PTPN14: variants seen among roughly 807,000 people sequenced by gnomAD.
PTPN14 encodes protein tyrosine phosphatase non-receptor type 14, also known as tyrosine-protein phosphatase non-receptor type 14.
Under a neutral mutation model 126.8 loss-of-function variants are expected in PTPN14, and 53 were observed. The ratio of observed to expected loss-of-function variants is 0.42; its 90% CI spans 0.34 to 0.53. The LOEUF (loss-of-function observed/expected upper bound fraction) is 0.53, where lower values mean the gene tolerates loss of function less well. PTPN14 is among the 20% of genes least tolerant of loss of function. The pLI is 0.08. For synonymous variants in PTPN14, 630 were observed against 599.3 expected, an observed-to-expected ratio of 1.05 and a Z score of -0.75; for missense variants, 1,257 against 1,552.9, an observed-to-expected ratio of 0.81 and a Z score of 3.20.
In PTPN14 at chr1:214,351,275, C is replaced by A. The variant is rs1657702637; in HGVS notation, c.*6647G>T. On this transcript the variant is annotated 3_prime_UTR_variant, in exon 19 of 19. Coordinates refer to ENST00000366956, the MANE Select transcript of PTPN14 (RefSeq NM_005401.5). ...TCCAGCCTGCGCAACAGGAGTGAGA[C>A]ACGATCTCAAAAACTAAAAAAAAAA... 1.5e-5 allele frequency: 2 copies of A among 130,086 alleles called. No homozygotes were observed. Among genetic ancestry groups the A allele is most frequent in the African/African-American group, 5.8e-5 (2 of 34,686 alleles). The allele number at this position is 130,086 out of a possible 1,614,324, so 8.1% of individuals were successfully genotyped here. A position where few individuals can be genotyped will look rare whatever the true frequency, so the allele number is the denominator to read the frequency against.
intron 1 of PTPN14, among the ~76,000 whole-genome samples, chr1:214,487,494 C>T (rs1661140791): frequency 6.6e-6 from 1 of 152,086 alleles, no homozygotes; most frequent in Non-Finnish European, 1.5e-5. Context: ...GGCATAGTGG[C>T]ATGTGCCTGT....
At chr1:214,499,007 G>A (rs1654614166) in intron 1 of PTPN14, among the ~76,000 whole-genome samples, 1 of 152,000 alleles carries the variant, frequency 6.6e-6, no homozygotes, top group African/African-American at 2.4e-5. Context: ...GTCTCACTAT[G>A]TTGTCCAGGC....
intron 7 of PTPN14, among the ~76,000 whole-genome samples, chr1:214,398,477 C>T (rs1460071326): frequency 6.6e-6 from 1 of 152,112 alleles, no homozygotes; most frequent in African/African-American, 2.4e-5. Context: ...GAAACAAGGT[C>T]TCACTGTTGC....
intron 3 of PTPN14, among the ~76,000 whole-genome samples, chr1:214,449,288 G>A (rs184265378): frequency 6.6e-6 from 1 of 152,142 alleles, no homozygotes; most frequent in African/African-American, 2.4e-5. Context: ...TTACAGGCGT[G>A]AGCCACCGCG....
chr1:214,410,245 T>C (rs2102578543), intron 5 of PTPN14, among the ~76,000 whole-genome samples: 1 of 152,222 alleles, frequency 6.6e-6, no homozygotes, highest in South Asian at 2.1e-4. Flanking sequence ...TTTTCCCCCA[T>C]GTTTTCTTCT....
At chr1:214,438,512 ATCT>A (rs1659969414) in intron 3 of PTPN14, among the ~76,000 whole-genome samples, 1 of 152,240 alleles carries the variant, frequency 6.6e-6, no homozygotes, top group African/African-American at 2.4e-5. Context: ...ATTTGAAGTT[ATCT>A]TCAATAATAT....
At chr1:214,370,788 G>A (rs1235501676) in intron 16 of PTPN14, among the ~76,000 whole-genome samples, 1 of 151,500 alleles carries the variant, frequency 6.6e-6, no homozygotes, top group African/African-American at 2.4e-5. Context: ...GGAGATTCAG[G>A]GCAAGGAGTA....
At chr1:214,460,272 T>G (rs1020810336) in intron 2 of PTPN14, among the ~76,000 whole-genome samples, 1 of 152,138 alleles carries the variant, frequency 6.6e-6, no homozygotes, top group African/African-American at 2.4e-5. Flanking sequence ...GTAACTTATT[T>G]TAGAAATACT....
At chr1:214,517,765 C>T (rs1042054281) in intron 1 of PTPN14, among the ~76,000 whole-genome samples, 1 of 151,830 alleles carries the variant, frequency 6.6e-6, no homozygotes, top group African/African-American at 2.4e-5. Flanking sequence ...GCCAACATAG[C>T]GAAACTGTGT....
At chr1:214,452,317 T>C (rs1044967717) in intron 2 of PTPN14, among the ~76,000 whole-genome samples, 1 of 152,264 alleles carries the variant, frequency 6.6e-6, no homozygotes, top group Non-Finnish European at 1.5e-5. Flanking sequence ...GCCTTCTGCA[T>C]GCTTCATGAT....
intron 1 of PTPN14, among the ~76,000 whole-genome samples, chr1:214,487,437 C>A (rs1661139308): frequency 6.6e-6 from 1 of 152,090 alleles, no homozygotes; most frequent in Non-Finnish European, 1.5e-5. Context: ...ACCAGCCTGG[C>A]CAACACGGTG....
intron 3 of PTPN14, among the ~76,000 whole-genome samples, chr1:214,425,682 CAT>C (rs1659646010): frequency 6.6e-6 from 1 of 152,162 alleles, no homozygotes; most frequent in Admixed American, 6.5e-5. Context: ...AAACACACCA[CAT>C]GTCTATCAAA....
rs1413911688 is a variant in PTPN14 at position 214,551,540 on chromosome 1, C to G, written c.-512G>C. On this transcript the variant is annotated 5_prime_UTR_variant, in exon 1 of 19. Transcript: ENST00000366956. The stretch of plus-strand genomic sequence containing the variant: ...GAGCAGGCGGCTGAGCCCGGAGAAG[C>G]ACAGCAACCTGCCCCCGAGTCTGCG... The G allele has an allele frequency of 2.0e-5, 3 of 152,276 alleles. No homozygotes were observed. The highest frequency in any genetic ancestry group is 7.2e-5 in the African/African-American group (3 of 41,430). The allele number at this position is 152,276 out of a possible 1,614,324, so 9.4% of individuals were successfully genotyped here. A position where few individuals can be genotyped will look rare whatever the true frequency, so the allele number is the denominator to read the frequency against.
At chr1:214,406,428 C>G (rs1421075076) in intron 5 of PTPN14, among the ~76,000 whole-genome samples, 1 of 150,534 alleles carries the variant, frequency 6.6e-6, no homozygotes, top group Non-Finnish European at 1.5e-5. Context: ...TTGCAGTGAG[C>G]TGAGATTGCG....
intron 1 of PTPN14, among the ~76,000 whole-genome samples, chr1:214,466,177 G>T (rs1469030770): frequency 6.6e-6 from 1 of 151,258 alleles, no homozygotes; most frequent in Non-Finnish European, 1.5e-5. Flanking sequence ...GGCCAGGCTG[G>T]TCTTGAACTC....
At chr1:214,483,469 G>A (rs1261187958) in intron 1 of PTPN14, 5 of 890,080 alleles carry the variant, frequency 5.6e-6, no homozygotes, top group South Asian at 1.5e-5. Context: ...TCTTGCCTGC[G>A]ACCCTTCCCC....
intron 5 of PTPN14, among the ~76,000 whole-genome samples, chr1:214,409,970 A>G (rs1337334386): frequency 2.0e-5 from 3 of 152,156 alleles, no homozygotes; most frequent in African/African-American, 7.2e-5. Flanking sequence ...ATGTCTATTC[A>G]GGTCCCTTGA....
intron 1 of PTPN14, among the ~76,000 whole-genome samples, chr1:214,503,817 A>G (rs552794067): frequency 2.8e-4 from 43 of 152,356 alleles, no homozygotes; most frequent in African/African-American, 9.9e-4. Context: ...CACACCCGAC[A>G]TCACCTACTT....
intron 1 of PTPN14, among the ~76,000 whole-genome samples, chr1:214,493,800 A>G (rs1370082959): frequency 6.6e-6 from 1 of 152,232 alleles, no homozygotes; most frequent in Non-Finnish European, 1.5e-5. Context: ...TGACAGAATG[A>G]TTACACTAGT....
Sources: allele counts gnomAD v4.1 joint callset (sites outside exome capture counted in the v4.1 genomes callset), GRCh38; gene constraint gnomAD v4.1.1; transcripts MANE v1.5; gene names NCBI Gene and HGNC (gene_info 2026-07-23, HGNC 2026-07-21).